GNPTAB: variants seen among roughly 807,000 people sequenced by gnomAD.
GNPTAB encodes N-acetylglucosamine-1-phosphate transferase subunits alpha and beta.
A neutral mutation model predicts 136.6 loss-of-function variants in GNPTAB; 92 were observed. The observed-to-expected ratio is 0.67, with a 90% CI of 0.57 to 0.80. The LOEUF (loss-of-function observed/expected upper bound fraction) is 0.80. Among genes scored for constraint, GNPTAB ranks in the 30% least tolerant of loss-of-function variants. The probability of loss-of-function intolerance (pLI) is 0.00; values close to 1 mark genes in which losing one functional copy is unlikely to be tolerated. For synonymous variants in GNPTAB, 512 were observed against 535.1 expected (o/e 0.96, Z 0.60); for missense variants, 1,343 against 1,501.8 (o/e 0.89, Z 1.75).
intron 1 of GNPTAB, among the ~76,000 whole-genome samples, chr12:101,828,590 C>T (rs529296500): frequency 4.6e-4 from 70 of 151,492 alleles, no homozygotes; most frequent in African/African-American, 1.5e-3. Context: ...ACCCAGGAGG[C>T]GAGACATGAG....
At chr12:101,801,823 G>A (rs924865851) in intron 1 of GNPTAB, among the ~76,000 whole-genome samples, 2 of 151,960 alleles carry the variant, frequency 1.3e-5, no homozygotes, top group Non-Finnish European at 2.9e-5. Flanking sequence ...AGGGAGGATC[G>A]ATTGAAGTCG....
chr12:101,824,432 A>ATATATATATATATATATATT (rs1188582277), intron 1 of GNPTAB, among the ~76,000 whole-genome samples: 11 of 50,868 alleles, frequency 2.2e-4, no homozygotes, highest in Non-Finnish European at 2.8e-4. Context: ...ATATATATAT[A>ATATATATATATATATATATT]TTTTCTTTTT....
At position 101,771,176 on chromosome 12, in the gene GNPTAB, A is replaced by G. The variant is rs1308776245; in HGVS notation, c.772-19T>C. On this transcript the variant is annotated intron_variant, in intron 7 of 20. Transcript: ENST00000299314. The stretch of plus-strand genomic sequence containing the variant: ...ACTGCAACTATCAAATAACAAGAGG[A>G]TTACACATGAAAAGACTGAATCTCA... 6.2e-7 allele frequency: 1 copy of G among 1,606,428 alleles called. No individual in the cohort carries two copies. The highest frequency in any genetic ancestry group is 8.5e-7 in the Non-Finnish European group (1 of 1,173,222).
chr12:101,800,616 A>T (rs1003517204), intron 1 of GNPTAB, among the ~76,000 whole-genome samples: 139 of 149,896 alleles, frequency 9.3e-4, no homozygotes, highest in African/African-American at 3.3e-3. Context: ...AAAAAAAAAA[A>T]AAAAAAAAAA....
At chr12:101,778,186 C>T (rs1953287039) in intron 7 of GNPTAB, 1 of 152,240 alleles carries the variant, frequency 6.6e-6, no homozygotes, top group South Asian at 2.1e-4. Flanking sequence ...CACACCCATC[C>T]ACCAGTAGAC....
At position 101,786,143 on chromosome 12, in the gene GNPTAB, G is replaced by C. The variant is rs369846031; in HGVS notation, c.440C>G (p.Ala147Gly). Residue 147 changes from alanine (A) to glycine (G), a missense_variant, in exon 5 of 21, where the codon GCC becomes GGC. By Grantham distance (60) the Ala-to-Gly change is moderately conservative (BLOSUM62 0). Coordinates refer to ENST00000299314, the MANE Select transcript of GNPTAB (RefSeq NM_024312.5). ...PMLVLDPALP[A>G]NITLKDLPSL... The stretch of plus-strand genomic sequence containing the variant: ...TGGCAGGTCCTTCAGGGTGATGTTG[G>C]CTGGCAGGGCTGGGTCCAGGACAAG... 1 of 1,613,968 alleles carries C rather than the reference G, an allele frequency of 6.2e-7. No homozygotes were observed. Among genetic ancestry groups the C allele is most frequent in the Non-Finnish European group, 8.5e-7 (1 of 1,179,948 alleles).
intron 11 of GNPTAB, among the ~76,000 whole-genome samples, chr12:101,766,498 C>T (rs1262646804): frequency 6.6e-6 from 1 of 151,946 alleles, no homozygotes; most frequent in African/African-American, 2.4e-5. Context: ...ATTAGCTGGG[C>T]GTGGTGGTGG....
At position 101,771,055 on chromosome 12, in the gene GNPTAB, C is replaced by T. The variant is rs1242832182; in HGVS notation, c.874G>A (p.Gly292Arg). ...KQTKKNMTID[G>R]KELTISPAYL... is the part of the protein sequence containing the mutation. ...GCAGGACTTATGGTCAGTTCTTTTC[C>T]ATCAATGGTCATGTTCTTCTTAGTT... The change falls in exon 8 of 21, where the codon GGA becomes AGA. Residue 292 changes from glycine to arginine, a missense_variant. Transcript: ENST00000299314. 1.2e-6 allele frequency: 2 copies of T among 1,613,972 alleles called. No homozygotes were observed. The highest frequency in any genetic ancestry group is 4.5e-5 in the East Asian group (2 of 44,888).
chr12:101,788,452 C>G (rs1594236244), intron 4 of GNPTAB, 96 bp downstream of exon 4: 1 of 386,928 alleles, frequency 2.6e-6, no homozygotes, highest in Non-Finnish European at 4.3e-6. Context: ...GGATAATAAA[C>G]ACAAAATCCT....
chr12:101,794,396 C>T (rs1869162305), intron 2 of GNPTAB, among the ~76,000 whole-genome samples: 1 of 152,042 alleles, frequency 6.6e-6, no homozygotes, highest in Non-Finnish European at 1.5e-5. Flanking sequence ...CACCTGTAAT[C>T]TTAACACTTT....
chr12:101,825,819 T>C (rs918371224), intron 1 of GNPTAB, among the ~76,000 whole-genome samples: 6 of 152,208 alleles, frequency 3.9e-5, no homozygotes, highest in Non-Finnish European at 8.8e-5. Context: ...CAATGAAACC[T>C]TTCCCAGAAA....
Position 101,771,009 on chromosome 12 carries a change from C to T in GNPTAB, c.920G>A (p.Ser307Asn). The change falls in exon 8 of 21, where the codon AGC becomes AAC. Residue 307 changes from serine to asparagine, a missense_variant. By Grantham distance (46) the Ser-to-Asn change is conservative (BLOSUM62 1). Transcript: ENST00000299314. ...ISPAYLLWDL[S>N]AISQSKQDED... ...TGCATCCCTTACCTGGCTGATGGCGCTCAGATCCCATAATAAATATGCAGG... is the reference window on the plus strand; with the variant it reads ...TGCATCCCTTACCTGGCTGATGGCGTTCAGATCCCATAATAAATATGCAGG... 6.2e-7 allele frequency: 1 copy of T among 1,614,118 alleles called. No homozygotes were observed. Among genetic ancestry groups the T allele is most frequent in the Non-Finnish European group, 8.5e-7 (1 of 1,179,998 alleles).
In GNPTAB at chr12:101,761,852, A is replaced by C. The variant is rs981868127; in HGVS notation, c.2716-89T>G. 4 of 966,472 alleles carry C rather than the reference A, an allele frequency of 4.1e-6. No individual in the cohort carries two copies. In the African/African-American group the frequency reaches 6.4e-5, roughly 15 times the overall value. The allele number at this position is 966,472 out of a possible 1,614,324, so 59.9% of individuals were successfully genotyped here. A position where few individuals can be genotyped will look rare whatever the true frequency, so the allele number is the denominator to read the frequency against. ...AGACATTTTATATAATGTGGTAATA[A>C]CTAGTCACGAACTCTTCATTAGGAG... On this transcript the variant is annotated intron_variant, in intron 13 of 20. Transcript: ENST00000299314.
chr12:101,817,360 T>C lies in GNPTAB; in HGVS notation c.117+13199A>G, dbSNP rs1203920943. The stretch of plus-strand genomic sequence containing the variant: ...ATGGCTCAATGTAGCCTCAATCTCC[T>C]GGGCTCCAGTGATCCTCCTACCTCA... On this transcript the variant is annotated intron_variant, in intron 1 of 20. Coordinates refer to ENST00000299314, the MANE Select transcript of GNPTAB (RefSeq NM_024312.5). 2.1e-4 allele frequency among the ~76,000 whole-genome samples: 32 copies of C among 149,128 alleles called. No individual in the cohort carries two copies. In the Admixed American group the frequency reaches 2.2e-3, roughly 10 times the overall value.
At chr12:101,773,549 A>G (rs193129524) in intron 7 of GNPTAB, 1 of 161,698 alleles carries the variant, frequency 6.2e-6, no homozygotes, top group African/African-American at 2.4e-5. Context: ...TCTTTGTTTG[A>G]TAAGAAGGTA....
chr12:101,821,355 A>G (rs936567515), intron 1 of GNPTAB, among the ~76,000 whole-genome samples: 11 of 152,240 alleles, frequency 7.2e-5, no homozygotes, highest in Non-Finnish European at 1.5e-4. Flanking sequence ...GGATTTGAAG[A>G]TAAGGAAGAT....
intron 7 of GNPTAB, among the ~76,000 whole-genome samples, chr12:101,771,613 T>C (rs1953178067): frequency 6.6e-6 from 1 of 152,114 alleles, no homozygotes; most frequent in Non-Finnish European, 1.5e-5. Flanking sequence ...ACCAGATGCA[T>C]TTCCCAAATG....
intron 4 of GNPTAB, among the ~76,000 whole-genome samples, chr12:101,787,495 C>T (rs189384898): frequency 3.0e-4 from 46 of 152,252 alleles, no homozygotes; most frequent in Non-Finnish European, 4.9e-4. Flanking sequence ...TCACTTTCCT[C>T]TCAATCTTTC....
At chr12:101,747,280 C>G (rs199957329) in intron 20 of GNPTAB, 39 bp from the exon 21 acceptor site, 2 of 1,191,454 alleles carry the variant, frequency 1.7e-6, no homozygotes, top group Admixed American at 3.4e-5. Context: ...TTAATTCTCA[C>G]GTTGATGAAA....
Sources: allele counts gnomAD v4.1 joint callset (sites outside exome capture counted in the v4.1 genomes callset), GRCh38; gene constraint gnomAD v4.1.1; transcripts MANE v1.5; gene names NCBI Gene and HGNC (gene_info 2026-07-23, HGNC 2026-07-21).